DENND2A: variants seen among roughly 807,000 people sequenced by gnomAD.
DENND2A encodes the protein DENN domain containing 2A.
Under a neutral mutation model 105.3 loss-of-function variants are expected in DENND2A, and 53 were observed. That is an observed-to-expected ratio of 0.50 (90% CI 0.40 to 0.63). The LOEUF is 0.63. Among genes scored for constraint, DENND2A ranks in the 30% least tolerant of loss-of-function variants. The pLI, the probability that DENND2A is intolerant of heterozygous loss-of-function variation, is 0.00. For missense variants in DENND2A, 1,138 were observed against 1,279.6 expected (o/e 0.89, Z 1.69); for synonymous variants, 522 against 508.4 (o/e 1.03, Z -0.36).
chr7:140,600,966 G>T (rs1799461651), intron 3 of DENND2A, among the ~76,000 whole-genome samples: 1 of 152,200 alleles, frequency 6.6e-6, no homozygotes, highest in Admixed American at 6.5e-5. Context: ...GAGGCTTCGA[G>T]AGGTTAGATA....
chr7:140,525,018 T>C (rs935148710), intron 16 of DENND2A, among the ~76,000 whole-genome samples: 3 of 151,350 alleles, frequency 2.0e-5, no homozygotes, highest in African/African-American at 7.3e-5. Flanking sequence ...CCCAAGTAGC[T>C]GGGACTACAG....
chr7:140,534,102 T>TTTTTTTTTTTTTTTTTGGTGG (rs1491445966), intron 14 of DENND2A, among the ~76,000 whole-genome samples: 1 of 132,314 alleles, frequency 7.6e-6, no homozygotes, highest in Non-Finnish European at 1.6e-5. Flanking sequence ...TTTTTTTTTT[T>TTTTTTTTTTTTTTTTTGGTGG]GAGATGGAGT....
intron 3 of DENND2A, among the ~76,000 whole-genome samples, chr7:140,594,957 G>A (rs943577621): frequency 4.2e-4 from 64 of 152,058 alleles, no homozygotes; most frequent in African/African-American, 1.4e-3. Context: ...CTTGTCATCC[G>A]CCTGCCTCAG....
chr7:140,582,593 C>A (rs1321190189), intron 5 of DENND2A, among the ~76,000 whole-genome samples: 1 of 152,224 alleles, frequency 6.6e-6, no homozygotes, highest in African/African-American at 2.4e-5. Flanking sequence ...AGCAATTTAT[C>A]TGGGTCTGTA....
At chr7:140,584,615 C>A (rs1798699951) in intron 5 of DENND2A, among the ~76,000 whole-genome samples, 1 of 152,218 alleles carries the variant, frequency 6.6e-6, no homozygotes, top group Non-Finnish European at 1.5e-5. Context: ...TGGTATGTAA[C>A]TCCAGAAAGT....
intron 1 of DENND2A, among the ~76,000 whole-genome samples, chr7:140,636,550 C>T (rs563142410): frequency 1.3e-5 from 2 of 152,168 alleles, no homozygotes; most frequent in Non-Finnish European, 2.9e-5. Context: ...CTGTGATGGG[C>T]TCTCTATACG....
rs764611339 is a variant in DENND2A, at chr7:140,519,625, G to A, written c.2998+7C>T. The A allele has an allele frequency of 8.7e-6, 14 of 1,613,416 alleles. No individual in the cohort carries two copies. The highest frequency in any genetic ancestry group is 8.3e-5 in the Admixed American group (5 of 59,966). ...ACAGGCTGGGCACCCAGAGCCCGGG[G>A]CCTTACCTAGTCCCTTCAGGAACTT... On this transcript the variant is annotated splice_region_variant and intron_variant, in intron 19 of 19. Transcript: ENST00000496613.
intron 1 of DENND2A, among the ~76,000 whole-genome samples, chr7:140,637,939 C>T (rs1404989653): frequency 6.6e-6 from 1 of 152,176 alleles, no homozygotes; most frequent in Non-Finnish European, 1.5e-5. Flanking sequence ...TATAGGATTT[C>T]CCTGGCCCCA....
chr7:140,595,760 C>A (rs375114670), intron 3 of DENND2A, among the ~76,000 whole-genome samples: 1 of 151,648 alleles, frequency 6.6e-6, no homozygotes, highest in Admixed American at 6.6e-5. Context: ...AGAGCAAGAC[C>A]CTGTTTAAAA....
intron 14 of DENND2A, among the ~76,000 whole-genome samples, chr7:140,528,352 G>A (rs1425097722): frequency 6.6e-6 from 1 of 152,150 alleles, no homozygotes; most frequent in Non-Finnish European, 1.5e-5. Flanking sequence ...TAGGAAATCC[G>A]GGAAAAGGAC....
intron 11 of DENND2A, 82 bp downstream of exon 11, chr7:140,558,061 G>A (rs900078242): frequency 8.8e-7 from 1 of 1,138,966 alleles, no homozygotes; most frequent in Admixed American, 1.9e-5. Flanking sequence ...AGTCTCACGG[G>A]ACTGGGAAGC....
At chr7:140,580,900 G>A (rs112166921) in intron 5 of DENND2A, among the ~76,000 whole-genome samples, 7,126 of 150,482 alleles carry the variant, frequency 0.047, 547 homozygotes, top group African/African-American at 0.16. Context: ...GCCTCCCAAA[G>A]TGCTGGGATT....
chr7:140,598,973 G>A (rs1799384195), intron 3 of DENND2A, among the ~76,000 whole-genome samples: 1 of 152,040 alleles, frequency 6.6e-6, no homozygotes, highest in African/African-American at 2.4e-5. Context: ...TTATATATAG[G>A]AAGTCCAAGA....
At chr7:140,639,474 A>G (rs1348582680) in intron 1 of DENND2A, among the ~76,000 whole-genome samples, 2 of 151,936 alleles carry the variant, frequency 1.3e-5, no homozygotes, top group Non-Finnish European at 2.9e-5. Flanking sequence ...ACACTCACAC[A>G]TACTTCCTCT....
At chr7:140,534,002 C>T (rs576430779) in intron 14 of DENND2A, among the ~76,000 whole-genome samples, 1 of 152,172 alleles carries the variant, frequency 6.6e-6, no homozygotes, top group South Asian at 2.1e-4. Flanking sequence ...CAACCTCCAC[C>T]TCCTGGGTTC....
chr7:140,555,693 G>C lies in DENND2A; in HGVS notation c.1980C>G (p.Arg660=), dbSNP rs201464750. 3 of 1,607,512 alleles carry C rather than the reference G, an allele frequency of 1.9e-6. No homozygotes were observed. The highest frequency in any genetic ancestry group is 1.1e-5 in the South Asian group (1 of 89,944). Residue 660 remains arginine, a synonymous_variant, in exon 12 of 20, where the codon CGC becomes CGG. Transcript: ENST00000496613. ...TCACAATGCAGTAAACTTCAGGAAG[G>C]CGCTTCCCTTTGCCTCCAGGCTTTT... ...RRLLPGGKGK[R]LPEVYCIVSR...
At chr7:140,568,638 G>T in intron 8 of DENND2A, 125 bp downstream of exon 8, 3 of 939,498 alleles carry the variant, frequency 3.2e-6, no homozygotes, top group South Asian at 1.4e-5. Flanking sequence ...TGTCTCCCGA[G>T]ATGTCCACGC....
At chr7:140,544,497 T>G in intron 14 of DENND2A, 121 bp downstream of exon 14, 1 of 1,351,580 alleles carries the variant, frequency 7.4e-7, no homozygotes, top group Non-Finnish European at 1.0e-6. Flanking sequence ...GCCCAGCCTA[T>G]TCCATCCTTA....
intron 5 of DENND2A, among the ~76,000 whole-genome samples, chr7:140,582,484 G>C (rs1465609911): frequency 1.3e-5 from 2 of 152,234 alleles, no homozygotes; most frequent in East Asian, 1.9e-4. Context: ...GGCAAGCAGA[G>C]AGCATTTGCT....
Sources: gnomAD v4.1 joint callset for allele counts (sites outside exome capture counted in the v4.1 genomes callset) on GRCh38, gnomAD v4.1.1 for gene constraint, MANE v1.5 for transcripts, NCBI Gene and HGNC (gene_info 2026-07-23, HGNC 2026-07-21) for gene names.